The following CYFIP1 variants were observed in gnomAD, a reference collection of about 807,000 sequenced individuals.
The protein encoded by CYFIP1 is cytoplasmic FMR1-interacting protein 1.
Under a neutral mutation model 163.5 loss-of-function variants are expected in CYFIP1, and 58 were observed. The observed-to-expected ratio is 0.35, with a 90% CI of 0.29 to 0.44. The LOEUF (loss-of-function observed/expected upper bound fraction) is 0.44. Ranked by LOEUF, CYFIP1 falls within the 20% of genes least tolerant of loss-of-function variation. The probability of loss-of-function intolerance (pLI) is 1.00; values close to 1 mark genes in which losing one functional copy is unlikely to be tolerated. For synonymous variants in CYFIP1, 663 were observed against 660.7 expected (o/e 1.00, Z -0.05); for missense variants, 1,338 against 1,653.8 (o/e 0.81, Z 3.31).
chr15:22,921,428 G>A (rs1390028472), intron 13 of CYFIP1, among the ~76,000 whole-genome samples: 1 of 151,518 alleles, frequency 6.6e-6, no homozygotes, highest in East Asian at 1.9e-4. Flanking sequence ...CAGAAAACAA[G>A]TGTATAATCA....
At chr15:22,870,797 T>G (rs1427892879) in intron 30 of CYFIP1, among the ~76,000 whole-genome samples, 1 of 152,208 alleles carries the variant, frequency 6.6e-6, no homozygotes, top group Non-Finnish European at 1.5e-5. Flanking sequence ...GAAGATGATG[T>G]GGTCAGTGGA....
At chr15:22,951,080 G>T (rs1226094004) in intron 1 of CYFIP1, among the ~76,000 whole-genome samples, 1 of 152,128 alleles carries the variant, frequency 6.6e-6, no homozygotes, top group African/African-American at 2.4e-5. Flanking sequence ...GCATCCACGC[G>T]GGGTGTTGGG....
intron 25 of CYFIP1, 117 bp from the exon 26 acceptor site, chr15:22,880,160 G>A: frequency 7.2e-7 from 1 of 1,395,108 alleles, no homozygotes; most frequent in Non-Finnish European, 1.0e-6. Context: ...CTGGCTATAA[G>A]GACAGCCACA....
intron 29 of CYFIP1, 46 bp downstream of exon 29, chr15:22,873,426 GCCTCCCCTCCCCCACAGCT>G (rs753793999): frequency 7.4e-7 from 1 of 1,356,722 alleles, no homozygotes; most frequent in Non-Finnish European, 1.0e-6. Context: ...AGCCTAACAC[GCCTCCCCTCCCCCACAGCT>G]CCTCCCCTCC....
intron 1 of CYFIP1, among the ~76,000 whole-genome samples, chr15:22,953,625 G>A (rs1360210656): frequency 6.6e-6 from 1 of 152,184 alleles, no homozygotes; most frequent in African/African-American, 2.4e-5. Context: ...CCTTGGAATG[G>A]AGCCTCAGTT....
intron 20 of CYFIP1, 148 bp from the exon 21 acceptor site, chr15:22,909,461 T>C: frequency 1.1e-6 from 1 of 879,514 alleles, no homozygotes; most frequent in South Asian, 1.8e-5. Context: ...CCCACATACA[T>C]GGCAGCCTGT....
In CYFIP1 at chr15:22,882,851, G is replaced by A. The variant is rs2059806457; in HGVS notation, c.2820+17C>T. The A allele has an allele frequency of 3.1e-6, 5 of 1,608,626 alleles. No homozygotes were observed. The highest frequency in any genetic ancestry group is 3.4e-6 in the Non-Finnish European group (4 of 1,175,746). ...AATCCAGGCTGTGTGAAAGAAGCATGTCCAGGGAACACTCACCAGGCTCTT... is the reference window on the plus strand; with the variant it reads ...AATCCAGGCTGTGTGAAAGAAGCATATCCAGGGAACACTCACCAGGCTCTT... On this transcript the variant is annotated intron_variant, in intron 24 of 30. Transcript: ENST00000617928.
chr15:22,925,042 T>A (rs1180700750), intron 13 of CYFIP1, among the ~76,000 whole-genome samples: 1 of 152,164 alleles, frequency 6.6e-6, no homozygotes, highest in Non-Finnish European at 1.5e-5. Context: ...TTTATTACTT[T>A]TCACTGTTGT....
Position 22,943,142 on chromosome 15 carries a change from A to G in CYFIP1, c.569+31T>C, listed in dbSNP as rs766785964. 9 of 1,604,612 alleles carry G rather than the reference A, an allele frequency of 5.6e-6. No homozygotes were observed. In the East Asian group the frequency reaches 2.0e-4, roughly 36 times the overall value. On this transcript the variant is annotated intron_variant, in intron 6 of 30. Transcript: ENST00000617928. ...GGCCACTGAGCTGGGTGCTCTCGGG[A>G]GGGCCCGCAGTGCGCGAGGTGGGTG...
intron 1 of CYFIP1, among the ~76,000 whole-genome samples, chr15:22,964,327 ACCAGCAGACTCCGCAACCTCATCACT>A (rs2062817585): frequency 2.4e-4 from 17 of 69,652 alleles, no homozygotes; most frequent in South Asian, 1.0e-3. Flanking sequence ...TGGCGGCCCC[ACCAGCAGACTCCGCAACCTCATCACT>A]CACACACACA....
intron 1 of CYFIP1, among the ~76,000 whole-genome samples, chr15:22,967,898 G>A (rs572792385): frequency 1.6e-3 from 249 of 152,214 alleles, no homozygotes; most frequent in Non-Finnish European, 2.7e-3. Flanking sequence ...CACTCTGGGA[G>A]GCTGACACAG....
intron 3 of CYFIP1, among the ~76,000 whole-genome samples, chr15:22,945,235 G>C (rs1036052450): frequency 1.3e-5 from 2 of 152,146 alleles, no homozygotes; most frequent in African/African-American, 4.8e-5. Flanking sequence ...ACAACCTGCT[G>C]GCCATGAGAC....
intron 22 of CYFIP1, among the ~76,000 whole-genome samples, chr15:22,896,370 C>T (rs979927811): frequency 3.9e-5 from 6 of 151,924 alleles, no homozygotes; most frequent in African/African-American, 1.5e-4. Flanking sequence ...GTGGGTTTAT[C>T]GTTTTCATCA....
At chr15:22,928,462 T>C (rs990785921) in intron 11 of CYFIP1, among the ~76,000 whole-genome samples, 28 of 152,102 alleles carry the variant, frequency 1.8e-4, no homozygotes, top group African/African-American at 5.6e-4. Context: ...CTGTGGGTGC[T>C]GGACCCTCCT....
intron 9 of CYFIP1, among the ~76,000 whole-genome samples, chr15:22,935,415 G>T (rs566947159): frequency 6.6e-6 from 1 of 152,206 alleles, no homozygotes; most frequent in Admixed American, 6.5e-5. Context: ...ACCACGCGCA[G>T]AAGTCAGTTC....
chr15:22,934,031 A>C, intron 9 of CYFIP1, 138 bp from the exon 10 acceptor site: 1 of 589,050 alleles, frequency 1.7e-6, no homozygotes, highest in South Asian at 2.8e-5. Flanking sequence ...CAAAAAAAAA[A>C]CTATAAGTAA....
upstream of CYFIP1, among the ~76,000 whole-genome samples, chr15:22,980,681 C>G (rs755501469): frequency 6.6e-6 from 1 of 151,906 alleles, no homozygotes; most frequent in South Asian, 2.1e-4. Flanking sequence ...GGGTCCGCAC[C>G]CTGTCCCGGG....
At chr15:22,947,119 A>G in intron 2 of CYFIP1, 27 bp from the exon 3 acceptor site, 1 of 1,614,102 alleles carries the variant, frequency 6.2e-7, no homozygotes, top group Non-Finnish European at 8.5e-7. Flanking sequence ...GAAAAACATC[A>G]TGTGGGGTCG....
chr15:22,939,103 T>C, intron 8 of CYFIP1, 89 bp downstream of exon 8: 1 of 1,530,742 alleles, frequency 6.5e-7, no homozygotes, highest in Non-Finnish European at 8.9e-7. Context: ...GACACAGCTG[T>C]CAAAAGGATT....
Sources: allele counts gnomAD v4.1 joint callset (sites outside exome capture counted in the v4.1 genomes callset), GRCh38; gene constraint gnomAD v4.1.1; transcripts MANE v1.5; gene names NCBI Gene and HGNC (gene_info 2026-07-23, HGNC 2026-07-21).